TRERF1: variants seen among roughly 807,000 people sequenced by gnomAD.
TRERF1 encodes transcriptional regulating factor 1.
Under a neutral mutation model 122.9 loss-of-function variants are expected in TRERF1, and 27 were observed. The ratio of observed to expected loss-of-function variants is 0.22; its 90% CI spans 0.16 to 0.30. The LOEUF (loss-of-function observed/expected upper bound fraction) is 0.30, where lower values mean the gene tolerates loss of function less well. TRERF1 is among the 10% of genes least tolerant of loss of function. The probability of loss-of-function intolerance (pLI) is 1.00; values close to 1 mark genes in which losing one functional copy is unlikely to be tolerated. For synonymous variants in TRERF1, 636 were observed against 641.7 expected, an observed-to-expected ratio of 0.99 and a Z score of 0.13; for missense variants, 1,248 against 1,560.3, an observed-to-expected ratio of 0.80 and a Z score of 3.37.
chr6:42,257,217 G>C, intron 10 of TRERF1, 115 bp from the exon 11 acceptor site: 1 of 1,303,826 alleles, frequency 7.7e-7, no homozygotes. Flanking sequence ...CAAGAATGCA[G>C]GGGCATTTCC....
chr6:42,364,467 T>C (rs1456938764), intron 2 of TRERF1, among the ~76,000 whole-genome samples: 2 of 152,234 alleles, frequency 1.3e-5, no homozygotes, highest in African/African-American at 4.8e-5. Context: ...TATTATGGTG[T>C]GCCCAGAGCC....
intron 2 of TRERF1, among the ~76,000 whole-genome samples, chr6:42,364,766 G>A (rs1452104897): frequency 6.6e-6 from 1 of 152,226 alleles, no homozygotes; most frequent in Admixed American, 6.5e-5. Context: ...GCCAGCCTGC[G>A]TGGGCTATGT....
Position 42,243,437 on chromosome 6 carries a change from A to G in TRERF1, c.2746-76T>C, listed in dbSNP as rs962522206. On this transcript the variant is annotated intron_variant, in intron 14 of 17. Coordinates refer to ENST00000372922, the Ensembl canonical transcript of TRERF1. ...AGGTAGCAAGCATTTTTGAATATTTAATTTTGTAATAGGGTAATAAACAAG... is the reference window on the plus strand; with the variant it reads ...AGGTAGCAAGCATTTTTGAATATTTGATTTTGTAATAGGGTAATAAACAAG... 3.9e-6 allele frequency: 4 copies of G among 1,034,800 alleles called. No individual in the cohort carries two copies. In the African/African-American group the frequency reaches 6.3e-5, roughly 16 times the overall value. The allele number at this position is 1,034,800 out of a possible 1,614,324, so 64.1% of individuals were successfully genotyped here.
rs762791035 is a variant in TRERF1, at chr6:42,259,366, T to TGGGCGTCAG, written c.2233_2241dup (p.Leu745_Pro747dup). On this transcript the variant is annotated inframe_insertion, in exon 9 of 18. Coordinates refer to ENST00000372922, the Ensembl canonical transcript of TRERF1. This position sits in a 1 kb window ranked among gnomAD's most constrained non-coding sequence, Gnocchi z 4.9. Reference sequence around the variant, plus strand: ...GAGCGACACAGCAGCACCCGTGGTGTGGGCGTCAGGGGCGTCAGGGGCAGC... The same window carrying TGGGCGTCAG: ...GAGCGACACAGCAGCACCCGTGGTGTGGGCGTCAGGGGCGTCAGGGGCGTCAGGGGCAGC... 1.8e-5 allele frequency: 27 copies of TGGGCGTCAG among 1,515,086 alleles called. No homozygotes were observed. In the African/African-American group the frequency reaches 2.2e-4, roughly 12 times the overall value. The allele number at this position is 1,515,086 out of a possible 1,614,324, so 93.9% of individuals were successfully genotyped here. A position where few individuals can be genotyped will look rare whatever the true frequency, so the allele number is the denominator to read the frequency against.
At chr6:42,417,029 C>G (rs891944697) in intron 2 of TRERF1, among the ~76,000 whole-genome samples, 2 of 152,152 alleles carry the variant, frequency 1.3e-5, no homozygotes, top group African/African-American at 2.4e-5. Flanking sequence ...CAACGCCCAG[C>G]CAGCCTGGTT....
intron 3 of TRERF1, among the ~76,000 whole-genome samples, chr6:42,330,493 T>C (rs1011312510): frequency 4.6e-5 from 7 of 152,186 alleles, no homozygotes; most frequent in African/African-American, 1.7e-4. Context: ...AGTGGACACA[T>C]TTATTGCTAA....
chr6:42,291,987 G>A (rs968546957), intron 4 of TRERF1, among the ~76,000 whole-genome samples: 1 of 152,140 alleles, frequency 6.6e-6, no homozygotes, highest in East Asian at 1.9e-4. Flanking sequence ...ACGTTCCACT[G>A]GCATAGTGAG....
chr6:42,418,286 C>A (rs1582113274), intron 2 of TRERF1, among the ~76,000 whole-genome samples: 1 of 20,892 alleles, frequency 4.8e-5, no homozygotes, highest in African/African-American at 1.3e-4. Context: ...TTTTTTTTTC[C>A]GAGATGGAGT....
intron 2 of TRERF1, among the ~76,000 whole-genome samples, chr6:42,371,591 G>A (rs959405865): frequency 2.6e-5 from 4 of 152,136 alleles, no homozygotes; most frequent in Non-Finnish European, 4.4e-5. Context: ...AACTTCTGGG[G>A]CTCTCGAGGT....
chr6:42,245,877 G>A (rs990766902), intron 14 of TRERF1, among the ~76,000 whole-genome samples: 2 of 152,216 alleles, frequency 1.3e-5, no homozygotes, highest in Non-Finnish European at 2.9e-5. Context: ...GGAGGCTGAG[G>A]GAGGTGGATC....
chr6:42,392,881 G>A (rs891502356), intron 2 of TRERF1, among the ~76,000 whole-genome samples: 1 of 151,492 alleles, frequency 6.6e-6, no homozygotes, highest in Non-Finnish European at 1.5e-5. Context: ...CCTGAGAAAC[G>A]CTGGTAAGGC....
At chr6:42,371,211 A>C (rs1011038735) in intron 2 of TRERF1, among the ~76,000 whole-genome samples, 1 of 152,218 alleles carries the variant, frequency 6.6e-6, no homozygotes, top group Admixed American at 6.5e-5. Flanking sequence ...AGTAAAAGGC[A>C]TTCAGGATAA....
intron 2 of TRERF1, among the ~76,000 whole-genome samples, chr6:42,377,254 T>A (rs1321725423): frequency 6.6e-6 from 1 of 152,224 alleles, no homozygotes. Context: ...CACAAGGTGG[T>A]ACAACTACTA....
chr6:42,341,785 T>TA (rs1453626429), intron 3 of TRERF1, among the ~76,000 whole-genome samples: 2 of 152,248 alleles, frequency 1.3e-5, no homozygotes, highest in African/African-American at 4.8e-5. Flanking sequence ...CCACTGGCAC[T>TA]ACTACAAGAA....
intron 4 of TRERF1, among the ~76,000 whole-genome samples, chr6:42,288,420 T>G (rs893975974): frequency 7.9e-5 from 12 of 151,614 alleles, no homozygotes; most frequent in African/African-American, 2.9e-4. Flanking sequence ...AATACATCAT[T>G]AGCCGGGCGT....
intron 2 of TRERF1, among the ~76,000 whole-genome samples, chr6:42,377,095 A>C (rs1775024912): frequency 6.8e-6 from 1 of 148,108 alleles, no homozygotes; most frequent in African/African-American, 2.5e-5. Context: ...CAAACTCCTG[A>C]CCTTAGGTGA....
At chr6:42,367,374 C>T (rs1772940408) in intron 2 of TRERF1, among the ~76,000 whole-genome samples, 2 of 152,172 alleles carry the variant, frequency 1.3e-5, no homozygotes, top group Non-Finnish European at 2.9e-5. Flanking sequence ...AGAGAAGCAC[C>T]GGACCTCGGT....
chr6:42,227,886 C>G (rs1769767120), exon 18 of TRERF1: 1 of 152,740 alleles, frequency 6.5e-6, no homozygotes, highest in Non-Finnish European at 1.5e-5. Context: ...ATGCTCACTG[C>G]AAACTATGGA....
chr6:42,397,130 C>G (rs1023328403), intron 2 of TRERF1, among the ~76,000 whole-genome samples: 3 of 152,130 alleles, frequency 2.0e-5, no homozygotes, highest in African/African-American at 7.2e-5. Flanking sequence ...AAGAAACTTA[C>G]AAACTAAAAT....
Sources: allele counts gnomAD v4.1 joint callset (sites outside exome capture counted in the v4.1 genomes callset), GRCh38; gene constraint gnomAD v4.1.1; non-coding constraint Gnocchi (gnomAD v3.1); transcripts MANE v1.5; gene names NCBI Gene and HGNC (gene_info 2026-07-23, HGNC 2026-07-21).